The following FCHO1 variants were observed in gnomAD, a reference collection of about 807,000 sequenced individuals.
FCHO1 encodes the protein FCH and mu domain containing endocytic adaptor 1.
FCHO1 carries 45 observed loss-of-function variants against 114.4 expected under a neutral mutation model. The observed-to-expected ratio is 0.39, with a 90% CI of 0.31 to 0.50. The LOEUF (loss-of-function observed/expected upper bound fraction) is 0.50. Ranked by LOEUF, FCHO1 falls within the 20% of genes least tolerant of loss-of-function variation. FCHO1 has a pLI of 0.77. For missense variants in FCHO1, 1,042 were observed against 1,209.6 expected, an observed-to-expected ratio of 0.86 and a Z score of 2.06; for synonymous variants, 480 against 488.9, an observed-to-expected ratio of 0.98 and a Z score of 0.24.
chr19:17,763,513 C>T (rs2087291227), intron 5 of FCHO1, among the ~76,000 whole-genome samples: 1 of 151,350 alleles, frequency 6.6e-6, no homozygotes, highest in African/African-American at 2.4e-5. Context: ...ATCCGCCCGC[C>T]TCAGCCTCCA....
rs2089306858 is a variant in FCHO1 at position 17,766,697 on chromosome 19, C to T, written c.223C>T (p.Arg75Cys). 1.9e-6 allele frequency: 3 copies of T among 1,614,056 alleles called. No homozygotes were observed. Among genetic ancestry groups the T allele is most frequent in the East Asian group, 2.2e-5 (1 of 44,894 alleles). ...GTFAPLWEVF[R>C]VSSDKLALCH... Reference sequence around the variant, plus strand: ...CTTCGCCCCGCTCTGGGAGGTCTTCCGCGTCTCCTCGGACAAGCTGGCGCT... The same window carrying T: ...CTTCGCCCCGCTCTGGGAGGTCTTCTGCGTCTCCTCGGACAAGCTGGCGCT... Residue 75 changes from arginine (R) to cysteine (C), a missense_variant, in exon 7 of 29, where the codon CGC becomes TGC. Physicochemically the swap from Arg to Cys is radical, Grantham distance 180. Around this residue, in one of 3 missense-constraint regions of FCHO1, gnomAD observed 450 missense variants for 564.1 expected, o/e 0.80. Coordinates refer to ENST00000596536, the MANE Select transcript of FCHO1 (RefSeq NM_015122.3).
chr19:17,763,868 C>T (rs2087553828), intron 5 of FCHO1, among the ~76,000 whole-genome samples: 1 of 151,636 alleles, frequency 6.6e-6, no homozygotes, highest in Non-Finnish European at 1.5e-5. Flanking sequence ...CAGCCTACTA[C>T]TGTTGTTAAT....
At chr19:17,779,553 CA>C (rs2093118261) in intron 20 of FCHO1, among the ~76,000 whole-genome samples, 1 of 131,252 alleles carries the variant, frequency 7.6e-6, no homozygotes, top group Non-Finnish European at 1.6e-5. Flanking sequence ...GGAGCGGAGT[CA>C]AGGGAGGGAG....
rs1334516105 is a variant in FCHO1 at position 17,775,442 on chromosome 19, CCT to C, written c.946-13_946-12del. 8 of 1,613,378 alleles carry C rather than the reference CCT, an allele frequency of 5.0e-6. No individual in the cohort carries two copies. Among genetic ancestry groups the C allele is most frequent in the African/African-American group, 1.3e-5 (1 of 74,866 alleles). On this transcript the variant is annotated splice_polypyrimidine_tract_variant and intron_variant, in intron 14 of 28. Transcript: ENST00000596536. The surrounding 1 kb of genome is among the most constrained non-coding windows in gnomAD (Gnocchi z 5.1). Reference sequence around the variant, plus strand: ...TGGGGCGCCTGACTCACTGCTGCCCCCTGACTCCCCTAGACATGTCCAGAGGT... The same window carrying C: ...TGGGGCGCCTGACTCACTGCTGCCCCGACTCCCCTAGACATGTCCAGAGGT...
rs2092699165 is a variant in FCHO1, at chr19:17,776,882, C to G, written c.1259+196C>G. Among the ~76,000 whole-genome samples the G allele has an allele frequency of 6.6e-6, 1 of 152,080 alleles. No individual in the cohort carries two copies. Among genetic ancestry groups the G allele is most frequent in the Admixed American group, 6.5e-5 (1 of 15,274 alleles). ...GTGCGATTTCAGCTCACTGCAACCTCCACCTCCTGAGTTCAAGCGATTTTC... is the reference window on the plus strand; with the variant it reads ...GTGCGATTTCAGCTCACTGCAACCTGCACCTCCTGAGTTCAAGCGATTTTC... On this transcript the variant is annotated intron_variant, in intron 18 of 28. Coordinates refer to ENST00000596536, the MANE Select transcript of FCHO1 (RefSeq NM_015122.3). The surrounding 1 kb of genome is among the most constrained non-coding windows in gnomAD (Gnocchi z 4.4).
upstream of FCHO1, among the ~76,000 whole-genome samples, chr19:17,751,041 C>G (rs553936761): frequency 1.3e-5 from 2 of 152,030 alleles, no homozygotes; most frequent in Non-Finnish European, 2.9e-5. The surrounding 1 kb of genome is among the most constrained non-coding windows in gnomAD (Gnocchi z 4.4). Context: ...GGGGTTTCAC[C>G]GTGTTGGCCA....
intron 27 of FCHO1, 61 bp from the exon 28 acceptor site, chr19:17,787,621 C>T: frequency 1.3e-6 from 2 of 1,494,364 alleles, no homozygotes; most frequent in Non-Finnish European, 8.9e-7. Flanking sequence ...CAAAGATGAG[C>T]CTGGTTCACA....
In FCHO1 at chr19:17,778,843, C is replaced by G. The variant is rs74180841; in HGVS notation, c.1586C>G (p.Ser529Trp). 6.4e-7 allele frequency: 1 copy of G among 1,563,678 alleles called. No individual in the cohort carries two copies. Among genetic ancestry groups the G allele is most frequent in the Non-Finnish European group, 8.6e-7 (1 of 1,162,576 alleles). Residue 529 changes from serine (S) to tryptophan (W), a missense_variant, in exon 20 of 29, where the codon TCG becomes TGG. Transcript: ENST00000596536. ...PLPDSPQPLA[S>W]SPGPWGLEAL... ...CCAGACTCGCCGCAGCCCCTCGCCT[C>G]GTCTCCAGGCCCCTGGGGGCTGGAG...
chr19:17,766,177 ATTTT>A (rs1205212543), intron 6 of FCHO1, among the ~76,000 whole-genome samples: 2 of 96,016 alleles, frequency 2.1e-5, no homozygotes, highest in Non-Finnish European at 2.1e-5. Context: ...GGCGTGAACC[ATTTT>A]TTTTTTTTTT....
intron 11 of FCHO1, 60 bp downstream of exon 11, chr19:17,772,801 G>T (rs548424687): frequency 8.3e-7 from 1 of 1,208,540 alleles, no homozygotes; most frequent in South Asian, 1.2e-5. Context: ...ACAGGCATGT[G>T]CCACCATGCC....
At chr19:17,782,285 C>T (rs2093494172) in intron 23 of FCHO1, among the ~76,000 whole-genome samples, 1 of 152,160 alleles carries the variant, frequency 6.6e-6, no homozygotes, top group African/African-American at 2.4e-5. Flanking sequence ...TCACTGCCAC[C>T]TCTGCCTCCT....
chr19:17,788,154 A>G (rs1307892747), intron 28 of FCHO1, 130 bp from the exon 29 acceptor site: 38 of 784,314 alleles, frequency 4.8e-5, no homozygotes, highest in Non-Finnish European at 7.5e-5. Context: ...CCCAGTGGCA[A>G]CAGGGACTAT....
chr19:17,786,747 G>A, intron 27 of FCHO1, 118 bp downstream of exon 27: 1 of 1,135,214 alleles, frequency 8.8e-7, no homozygotes, highest in South Asian at 1.4e-5. Context: ...TGGGCATTGA[G>A]GAAGTCTTTA....
Position 17,776,130 on chromosome 19 carries a change from C to T in FCHO1, c.1151C>T (p.Ala384Val), listed in dbSNP as rs769497879. ...GCAGCGGCACAGCTCAGGGCCACCGCGGGCAGCCTCATCCTTCCTCCTGGC... is the reference window on the plus strand; with the variant it reads ...GCAGCGGCACAGCTCAGGGCCACCGTGGGCAGCCTCATCCTTCCTCCTGGC... Reference protein sequence around the residue: ...EAAAAQLRATAGSLILPPGPG... With the variant: ...EAAAAQLRATVGSLILPPGPG... The change falls in exon 16 of 29, where the codon GCG (alanine) becomes GTG (valine). Residue 384 changes from alanine to valine, a missense_variant. This residue lies in a region of FCHO1 where 450 missense variants were observed against 564.1 expected (regional missense o/e 0.80). Transcript: ENST00000596536. The surrounding 1 kb of genome is among the most constrained non-coding windows in gnomAD (Gnocchi z 4.4). 1.3e-5 allele frequency: 21 copies of T among 1,613,304 alleles called. No homozygotes were observed. Among genetic ancestry groups the T allele is most frequent in the Middle Eastern group, 3.3e-4 (2 of 6,084 alleles).
chr19:17,748,507 TGG>T (rs71162188), upstream of FCHO1, among the ~76,000 whole-genome samples: 3 of 134,432 alleles, frequency 2.2e-5, no homozygotes, highest in African/African-American at 8.4e-5. Flanking sequence ...AGCCTGGACT[TGG>T]GGGGGGGGTC....
intron 18 of FCHO1, among the ~76,000 whole-genome samples, chr19:17,777,273 AC>A (rs2092746656): frequency 6.6e-6 from 1 of 151,970 alleles, no homozygotes. Flanking sequence ...GTGGCGGCTC[AC>A]GCCTGTAATT....
intron 4 of FCHO1, among the ~76,000 whole-genome samples, chr19:17,758,398 C>T (rs2084650313): frequency 6.6e-6 from 1 of 152,012 alleles, no homozygotes; most frequent in African/African-American, 2.4e-5. Flanking sequence ...ATAGCCTGGA[C>T]AAAATGTGGT....
intron 7 of FCHO1, 140 bp downstream of exon 7, chr19:17,766,950 G>A (rs563532983): frequency 6.2e-6 from 6 of 969,030 alleles, no homozygotes; most frequent in Non-Finnish European, 9.1e-6. Flanking sequence ...TCAAGCCCAG[G>A]GTCTTACGGA....
chr19:17,757,182 TAAAAA>T (rs768156240), intron 4 of FCHO1, among the ~76,000 whole-genome samples: 1 of 83,358 alleles, frequency 1.2e-5, no homozygotes, highest in Non-Finnish European at 2.5e-5. Context: ...AGACTCCGTC[TAAAAA>T]AAAAAAAAAA....
Sources: allele counts gnomAD v4.1 joint callset (sites outside exome capture counted in the v4.1 genomes callset), GRCh38; gene constraint gnomAD v4.1.1; regional missense constraint gnomAD v4.1.1; non-coding constraint Gnocchi (gnomAD v3.1); transcripts MANE v1.5; gene names NCBI Gene and HGNC (gene_info 2026-07-23, HGNC 2026-07-21).